The following TAFA2 variants were observed in gnomAD, a reference collection of about 807,000 sequenced individuals.
TAFA2 encodes the protein TAFA chemokine like family member 2, also known as chemokine-like protein TAFA-2.
Under a neutral mutation model 18.8 loss-of-function variants are expected in TAFA2, and 7 were observed. The observed-to-expected ratio is 0.37, with a 90% CI of 0.21 to 0.70. The LOEUF (loss-of-function observed/expected upper bound fraction) is 0.70. Among genes scored for constraint, TAFA2 ranks in the 30% least tolerant of loss-of-function variants. The pLI, the probability that TAFA2 is intolerant of heterozygous loss-of-function variation, is 0.53. For missense variants in TAFA2, 122 were observed against 158.1 expected, an observed-to-expected ratio of 0.77 and a Z score of 1.23; for synonymous variants, 60 against 54.2, an observed-to-expected ratio of 1.11 and a Z score of -0.47.
At chr12:61,730,040 T>A (rs73123758) in intron 4 of TAFA2, among the ~76,000 whole-genome samples, 1 of 152,092 alleles carries the variant, frequency 6.6e-6, no homozygotes, top group Non-Finnish European at 1.5e-5. Flanking sequence ...TGGACCAGTA[T>A]TGGATAGTGT....
At chr12:61,728,021 T>A (rs1225910219) in intron 4 of TAFA2, among the ~76,000 whole-genome samples, 5 of 139,862 alleles carry the variant, frequency 3.6e-5, no homozygotes, top group Non-Finnish European at 7.5e-5. Context: ...ATTTGCATAC[T>A]TTTGAGGGTT....
rs1477275813 is a variant in TAFA2 at position 61,895,840 on chromosome 12, A to C, written c.-1-28414T>G. ...GAAGGCATCCATGCCTAGGTACCCT[A>C]GTAAGAAGTAAAATATAACCAGTAA... On this transcript the variant is annotated intron_variant, in intron 1 of 4. Transcript: ENST00000416284. 2.0e-5 allele frequency among the ~76,000 whole-genome samples: 3 copies of C among 152,282 alleles called. No individual in the cohort carries two copies. The East Asian group carries it at 5.8e-4, about 29-fold the overall frequency.
At chr12:61,995,543 T>A (rs866923146) in intron 1 of TAFA2, among the ~76,000 whole-genome samples, 2 of 152,198 alleles carry the variant, frequency 1.3e-5, no homozygotes, top group African/African-American at 4.8e-5. Context: ...TGGGACCAGG[T>A]CGACCTTTTT....
intron 2 of TAFA2, among the ~76,000 whole-genome samples, chr12:61,855,980 C>G (rs1036764789): frequency 3.3e-5 from 5 of 152,004 alleles, no homozygotes; most frequent in Admixed American, 6.6e-5. Flanking sequence ...AAAGGTTTCA[C>G]TCAATATTAA....
Position 61,955,915 on chromosome 12 carries a change from A to G in TAFA2, c.-1-88489T>C, listed in dbSNP as rs147617392. 3.2e-3 allele frequency among the ~76,000 whole-genome samples: 487 copies of G among 151,894 alleles called. 1 individual carries two copies. The highest frequency in any genetic ancestry group is 0.011 in the African/African-American group (456 of 41,436). On this transcript the variant is annotated intron_variant, in intron 1 of 4. Transcript: ENST00000416284. ...CTCTCATAATGTCTCAAGTGTTATA[A>G]TCTTAGCGATTTTAAAACAAATATC...
intron 1 of TAFA2, among the ~76,000 whole-genome samples, chr12:62,123,472 C>T (rs1870303385): frequency 6.6e-6 from 1 of 151,330 alleles, no homozygotes; most frequent in Non-Finnish European, 1.5e-5. Flanking sequence ...TATAAGAATT[C>T]AATCTGAAAA....
chr12:61,961,987 T>C (rs1490310910), intron 1 of TAFA2, among the ~76,000 whole-genome samples: 2 of 152,034 alleles, frequency 1.3e-5, no homozygotes, highest in Non-Finnish European at 2.9e-5. Flanking sequence ...AAGCTTGGTT[T>C]TTCCCTTCAC....
At chr12:62,226,100 T>C (rs1486402056) in intron 1 of TAFA2, among the ~76,000 whole-genome samples, 3 of 152,178 alleles carry the variant, frequency 2.0e-5, no homozygotes, top group Non-Finnish European at 4.4e-5. Context: ...TTCATAGTGG[T>C]GTGCTCTCTT....
chr12:62,247,867 C>T (rs2062894425), intron 1 of TAFA2, among the ~76,000 whole-genome samples: 1 of 152,144 alleles, frequency 6.6e-6, no homozygotes, highest in East Asian at 1.9e-4. Flanking sequence ...CTTTATTGTT[C>T]AGAGAAATAG....
At chr12:61,962,764 T>C (rs889098965) in intron 1 of TAFA2, among the ~76,000 whole-genome samples, 1 of 152,020 alleles carries the variant, frequency 6.6e-6, no homozygotes, top group Non-Finnish European at 1.5e-5. Flanking sequence ...TTTTTTATTA[T>C]TGTACTTTAA....
chr12:62,184,516 G>T (rs1295401937), intron 1 of TAFA2, among the ~76,000 whole-genome samples: 5 of 4,274 alleles, frequency 1.2e-3, no homozygotes, highest in Non-Finnish European at 3.3e-3. Flanking sequence ...TTTTTTTGAG[G>T]CATAGTCTCA....
At chr12:61,840,617 G>A (rs866563794) in intron 2 of TAFA2, among the ~76,000 whole-genome samples, 1 of 152,036 alleles carries the variant, frequency 6.6e-6, no homozygotes, top group Admixed American at 6.6e-5. Flanking sequence ...CAGAATAAAT[G>A]AGCCAGCCCA....
chr12:61,915,813 C>T (rs1158482335), intron 1 of TAFA2, among the ~76,000 whole-genome samples: 1 of 152,180 alleles, frequency 6.6e-6, no homozygotes, highest in Non-Finnish European at 1.5e-5. Context: ...TCCAGGTCCT[C>T]AATGGATTGG....
chr12:62,081,100 C>G (rs1001677578), intron 1 of TAFA2, among the ~76,000 whole-genome samples: 20 of 152,102 alleles, frequency 1.3e-4, no homozygotes, highest in Non-Finnish European at 2.5e-4. Flanking sequence ...GAGGCTGAGG[C>G]AGGAGAACAG....
chr12:62,084,867 T>C (rs1376493151), intron 1 of TAFA2, among the ~76,000 whole-genome samples: 1 of 152,200 alleles, frequency 6.6e-6, no homozygotes, highest in East Asian at 1.9e-4. Flanking sequence ...TTTCTCCCAA[T>C]GCTGAATAGC....
intron 1 of TAFA2, among the ~76,000 whole-genome samples, chr12:61,977,017 A>G (rs909312113): frequency 6.6e-6 from 1 of 152,106 alleles, no homozygotes; most frequent in African/African-American, 2.4e-5. Context: ...AGCATGATTT[A>G]TAATCCTTTG....
At chr12:62,023,623 C>T (rs1881218686) in intron 1 of TAFA2, 1 of 123,540 alleles carries the variant, frequency 8.1e-6, no homozygotes, top group Admixed American at 7.2e-5. Flanking sequence ...TCTGGAATTT[C>T]CTCTAAATTT....
chr12:62,052,824 T>G (rs1233541804), intron 1 of TAFA2, among the ~76,000 whole-genome samples: 1 of 152,230 alleles, frequency 6.6e-6, no homozygotes, highest in African/African-American at 2.4e-5. Flanking sequence ...CGATATTTAT[T>G]GTTTGCTAAA....
At chr12:62,186,056 CAA>C (rs2062583670) in intron 1 of TAFA2, among the ~76,000 whole-genome samples, 1 of 152,122 alleles carries the variant, frequency 6.6e-6, no homozygotes, top group Non-Finnish European at 1.5e-5. Flanking sequence ...TGCACCTTTA[CAA>C]AAATCTTCTG....
Sources: allele counts gnomAD v4.1 joint callset (sites outside exome capture counted in the v4.1 genomes callset), GRCh38; gene constraint gnomAD v4.1.1; transcripts MANE v1.5; gene names NCBI Gene and HGNC (gene_info 2026-07-23, HGNC 2026-07-21).